The following UBE3D variants were observed in gnomAD, a reference collection of about 807,000 sequenced individuals.
The protein encoded by UBE3D is ubiquitin protein ligase E3D, also known as E3 ubiquitin-protein ligase E3D.
UBE3D carries 48 observed loss-of-function variants against 49.6 expected under a neutral mutation model. The ratio of observed to expected loss-of-function variants is 0.97; its 90% CI spans 0.77 to 1.23. The LOEUF (loss-of-function observed/expected upper bound fraction) is 1.23. Ranked by LOEUF, UBE3D falls within the 50% of genes most tolerant of loss-of-function variation. UBE3D has a pLI of 0.00. For missense variants in UBE3D, 452 were observed against 468.4 expected, an observed-to-expected ratio of 0.96 and a Z score of 0.32; for synonymous variants, 189 against 174.2, an observed-to-expected ratio of 1.08 and a Z score of -0.67.
At position 83,063,626 on chromosome 6, in the gene UBE3D, G is replaced by T. The variant is rs1242672601; in HGVS notation, c.77+2016C>A. On this transcript the variant is annotated intron_variant, in intron 1 of 9. Coordinates refer to ENST00000369747, the MANE Select transcript of UBE3D (RefSeq NM_198920.3). ...ACATATATGAATTGCTAAAAAGCAA[G>T]TGAAAAGGCACTCAACATTATTAGT... 2.0e-5 allele frequency among the ~76,000 whole-genome samples: 3 copies of T among 152,054 alleles called. No homozygotes were observed. The East Asian group carries it at 5.8e-4, about 29-fold the overall frequency.
rs548304473 is a variant in UBE3D at position 83,022,557 on chromosome 6, A to C, written c.742T>G (p.Trp248Gly). The change falls in exon 7 of 10, where the codon TGG becomes GGG. Residue 248 changes from tryptophan to glycine, a missense_variant. Transcript: ENST00000369747. ...ERSFPIIPRS[W>G]FVQSVIAQCL... ...TGGGCGATCACGCTCTGGACAAACC[A>C]AGACCTGTTTGAACAGAAATCAATT... The C allele has an allele frequency of 9.6e-5, 151 of 1,570,226 alleles. No homozygotes were observed. Among genetic ancestry groups the C allele is most frequent in the Middle Eastern group, 3.4e-4 (2 of 5,860 alleles).
At chr6:82,885,180 C>A in the UBE3D span, among the ~76,000 whole-genome samples, 1 of 151,082 alleles carries the variant, frequency 6.6e-6, no homozygotes, top group African/African-American at 2.4e-5. Flanking sequence ...AAAGCACTGA[C>A]AAAGCTATTT....
intron 9 of UBE3D, among the ~76,000 whole-genome samples, chr6:82,930,058 G>C (rs1447737908): frequency 6.6e-6 from 1 of 152,198 alleles, no homozygotes; most frequent in Non-Finnish European, 1.5e-5. Flanking sequence ...CCAGTGGGAA[G>C]TAACTGTATA....
chr6:83,002,915 G>C (rs1779731237), intron 8 of UBE3D, among the ~76,000 whole-genome samples: 1 of 152,150 alleles, frequency 6.6e-6, no homozygotes, highest in South Asian at 2.1e-4. Context: ...TGTTATAGCG[G>C]CACAACAGAC....
intron 9 of UBE3D, among the ~76,000 whole-genome samples, chr6:82,922,981 G>C (rs1471920722): frequency 1.3e-5 from 2 of 152,186 alleles, no homozygotes; most frequent in Non-Finnish European, 2.9e-5. Flanking sequence ...CTGGTCATCA[G>C]AGAAATGCAA....
At chr6:83,058,734 A>C (rs1030475786) in intron 1 of UBE3D, among the ~76,000 whole-genome samples, 36 of 152,358 alleles carry the variant, frequency 2.4e-4, no homozygotes, top group Non-Finnish European at 3.2e-4. Flanking sequence ...CTGAGTACAG[A>C]GGGTAGACCA....
intron 8 of UBE3D, among the ~76,000 whole-genome samples, chr6:82,998,356 A>C (rs1057330470): frequency 1.3e-5 from 2 of 152,234 alleles, no homozygotes; most frequent in Non-Finnish European, 2.9e-5. Flanking sequence ...TTAATGTCTA[A>C]AATAAAAGCA....
intron 8 of UBE3D, among the ~76,000 whole-genome samples, chr6:83,013,968 T>C (rs954340053): frequency 6.6e-6 from 1 of 152,066 alleles, no homozygotes; most frequent in African/African-American, 2.4e-5. Flanking sequence ...GGTAGGAAAA[T>C]AAAGGTATAT....
At chr6:83,001,425 TC>T (rs1214768242) in intron 8 of UBE3D, among the ~76,000 whole-genome samples, 1 of 152,220 alleles carries the variant, frequency 6.6e-6, no homozygotes, top group Non-Finnish European at 1.5e-5. Flanking sequence ...CTATTAGTTG[TC>T]CAGATTCTAT....
intron 8 of UBE3D, among the ~76,000 whole-genome samples, chr6:82,984,893 C>T (rs1300036804): frequency 1.3e-5 from 2 of 151,830 alleles, no homozygotes; most frequent in Non-Finnish European, 2.9e-5. Context: ...TCCCTAAAGC[C>T]TTTATCTTCT....
intron 9 of UBE3D, among the ~76,000 whole-genome samples, chr6:82,930,907 G>T (rs1774093734): frequency 6.6e-6 from 1 of 152,208 alleles, no homozygotes; most frequent in Non-Finnish European, 1.5e-5. Flanking sequence ...TAATCACCAA[G>T]ACAATGGGGA....
chr6:83,047,938 CGGG>C (rs1783181954), intron 3 of UBE3D, among the ~76,000 whole-genome samples: 1 of 151,714 alleles, frequency 6.6e-6, no homozygotes, highest in South Asian at 2.1e-4. Context: ...AAAAATTAGC[CGGG>C]AGTGCTGGCG....
At chr6:82,885,451 C>G in the UBE3D span, among the ~76,000 whole-genome samples, 1 of 152,182 alleles carries the variant, frequency 6.6e-6, no homozygotes, top group South Asian at 2.1e-4. Flanking sequence ...GTGCCAGGTG[C>G]TGTTCTAGAC....
At chr6:83,044,812 C>T (rs933571410) in intron 3 of UBE3D, among the ~76,000 whole-genome samples, 153 bp from the exon 4 acceptor site, 1 of 152,162 alleles carries the variant, frequency 6.6e-6, no homozygotes, top group Admixed American at 6.5e-5. Flanking sequence ...ATACTCACTA[C>T]AGCTAATTTT....
chr6:82,985,753 C>T (rs190080031), intron 8 of UBE3D, among the ~76,000 whole-genome samples: 1 of 152,230 alleles, frequency 6.6e-6, no homozygotes, highest in Non-Finnish European at 1.5e-5. Flanking sequence ...TTGCATTTAT[C>T]TCAGCACCCC....
intron 8 of UBE3D, among the ~76,000 whole-genome samples, chr6:82,989,167 C>A (rs965560771): frequency 6.6e-6 from 1 of 152,068 alleles, no homozygotes; most frequent in African/African-American, 2.4e-5. Flanking sequence ...ATACCACAGG[C>A]CTCTCCTGCT....
At chr6:83,019,611 C>A (rs1780944116) in intron 7 of UBE3D, among the ~76,000 whole-genome samples, 1 of 152,070 alleles carries the variant, frequency 6.6e-6, no homozygotes, top group Non-Finnish European at 1.5e-5. Flanking sequence ...GTGGGCATTC[C>A]AATACACTGC....
chr6:82,994,333 T>G (rs1212396459), intron 8 of UBE3D, among the ~76,000 whole-genome samples: 1 of 152,180 alleles, frequency 6.6e-6, no homozygotes. Flanking sequence ...AATTATATAC[T>G]CTTAGCAAAC....
At chr6:82,934,550 T>C (rs1241768780) in intron 9 of UBE3D, among the ~76,000 whole-genome samples, 1 of 152,008 alleles carries the variant, frequency 6.6e-6, no homozygotes, top group Admixed American at 6.6e-5. Flanking sequence ...GCTGCAAAAC[T>C]ACCATGGGGG....
Sources: gnomAD v4.1 joint callset for allele counts (sites outside exome capture counted in the v4.1 genomes callset) on GRCh38, gnomAD v4.1.1 for gene constraint, MANE v1.5 for transcripts, NCBI Gene and HGNC (gene_info 2026-07-23, HGNC 2026-07-21) for gene names.